The following SLC24A3 variants were observed in gnomAD, a reference collection of about 807,000 sequenced individuals.
SLC24A3 encodes the protein sodium/potassium/calcium exchanger 3.
SLC24A3 carries 28 observed loss-of-function variants against 75.8 expected under a neutral mutation model. The ratio of observed to expected loss-of-function variants is 0.37; its 90% CI spans 0.27 to 0.51. The LOEUF is 0.51. Ranked by LOEUF, SLC24A3 falls within the 20% of genes least tolerant of loss-of-function variation. SLC24A3 has a pLI of 0.94. For missense variants in SLC24A3, 663 were observed against 847.8 expected, an observed-to-expected ratio of 0.78 and a Z score of 2.71; for synonymous variants, 372 against 334.1, an observed-to-expected ratio of 1.11 and a Z score of -1.24.
At chr20:19,711,319 A>C (rs1022267893) in intron 15 of SLC24A3, among the ~76,000 whole-genome samples, 3 of 151,268 alleles carry the variant, frequency 2.0e-5, no homozygotes. Context: ...ATACAAACGC[A>C]CACACATGCA....
At chr20:19,455,556 A>G (rs1987563711) in intron 2 of SLC24A3, among the ~76,000 whole-genome samples, 1 of 152,224 alleles carries the variant, frequency 6.6e-6, no homozygotes, top group Non-Finnish European at 1.5e-5. Flanking sequence ...TCTGGAAACC[A>G]ATACACCAGG....
Position 19,678,165 on chromosome 20 carries a change from C to A in SLC24A3, c.768-3693C>A, listed in dbSNP as rs1004022555. ...TCAATCTTTTCCCCACCTTTCCCCCCTTTCTATTCCACAAAACCGCCATTG... is the reference window on the plus strand; with the variant it reads ...TCAATCTTTTCCCCACCTTTCCCCCATTTCTATTCCACAAAACCGCCATTG... On this transcript the variant is annotated intron_variant, in intron 9 of 16. Transcript: ENST00000328041. Among the ~76,000 whole-genome samples, 63 of 151,048 alleles carry A rather than the reference C, an allele frequency of 4.2e-4. No individual in the cohort carries two copies. In the East Asian group the frequency reaches 0.012, roughly 29 times the overall value.
intron 9 of SLC24A3, among the ~76,000 whole-genome samples, chr20:19,680,680 G>A (rs1004569550): frequency 2.0e-5 from 3 of 152,232 alleles, no homozygotes; most frequent in African/African-American, 7.2e-5. Flanking sequence ...AGAGAGTACA[G>A]GAAAGAACTC....
At chr20:19,693,157 G>C in intron 12 of SLC24A3, 102 bp from the exon 13 acceptor site, 4 of 1,257,858 alleles carry the variant, frequency 3.2e-6, no homozygotes, top group Non-Finnish European at 4.3e-6. Flanking sequence ...GTTTAATTCT[G>C]GGGAAAGCAG....
intron 3 of SLC24A3, among the ~76,000 whole-genome samples, chr20:19,523,688 T>C (rs2030144763): frequency 6.6e-6 from 1 of 152,224 alleles, no homozygotes; most frequent in Admixed American, 6.5e-5. Flanking sequence ...CTTTAGCTTG[T>C]AGCCATGGGA....
intron 2 of SLC24A3, among the ~76,000 whole-genome samples, chr20:19,387,272 T>C (rs375267800): frequency 2.4e-4 from 36 of 152,148 alleles, no homozygotes; most frequent in African/African-American, 8.4e-4. Context: ...TTATTTATCT[T>C]TTTGAAAAAC....
At chr20:19,691,906 C>T (rs1049589806) in intron 12 of SLC24A3, among the ~76,000 whole-genome samples, 16 of 152,136 alleles carry the variant, frequency 1.1e-4, no homozygotes, top group Non-Finnish European at 2.4e-4. Context: ...AGTCTTTCAA[C>T]TCATAAGCCA....
At chr20:19,467,244 T>C (rs964861303) in intron 2 of SLC24A3, among the ~76,000 whole-genome samples, 1 of 152,200 alleles carries the variant, frequency 6.6e-6, no homozygotes, top group East Asian at 1.9e-4. Flanking sequence ...AGAGCAGATG[T>C]GCAACATATA....
rs1423348336 is a variant in SLC24A3 at position 19,281,255 on chromosome 20, G to T, written c.271+168G>T. On this transcript the variant is annotated intron_variant, in intron 2 of 16. Transcript: ENST00000328041. ...AGGTGACATCCTGAGGGACTATTAAGTTGTGTTTTGACCTCTGTGTTCGTT... is the reference window on the plus strand; with the variant it reads ...AGGTGACATCCTGAGGGACTATTAATTTGTGTTTTGACCTCTGTGTTCGTT... Among the ~76,000 whole-genome samples the T allele has an allele frequency of 2.0e-5, 3 of 152,206 alleles. 1 individual carries two copies. The highest frequency in any genetic ancestry group is 7.2e-5 in the African/African-American group (3 of 41,448).
At chr20:19,604,354 A>G (rs986456680) in intron 6 of SLC24A3, among the ~76,000 whole-genome samples, 10 of 152,136 alleles carry the variant, frequency 6.6e-5, no homozygotes, top group African/African-American at 2.4e-5. Flanking sequence ...GTGAAGACCT[A>G]GAACATTCCA....
chr20:19,489,875 C>A (rs1988183130), intron 2 of SLC24A3, among the ~76,000 whole-genome samples: 1 of 152,180 alleles, frequency 6.6e-6, no homozygotes, highest in East Asian at 1.9e-4. Flanking sequence ...ATGTGCCGTT[C>A]TTCACTGTTC....
chr20:19,275,273 G>A (rs1239855581), intron 1 of SLC24A3, among the ~76,000 whole-genome samples: 1 of 152,194 alleles, frequency 6.6e-6, no homozygotes, highest in Non-Finnish European at 1.5e-5. Context: ...TAGGGTCCTG[G>A]CTTGGCTGCT....
chr20:19,492,969 T>C (rs1003312445), intron 2 of SLC24A3, among the ~76,000 whole-genome samples: 41 of 149,478 alleles, frequency 2.7e-4, no homozygotes, highest in African/African-American at 9.6e-4. Flanking sequence ...GTTCAGAGTA[T>C]GGTATTTCTA....
chr20:19,322,312 C>T (rs553967835), intron 2 of SLC24A3, among the ~76,000 whole-genome samples: 1 of 152,134 alleles, frequency 6.6e-6, no homozygotes, highest in South Asian at 2.1e-4. Context: ...ATACCCCTCC[C>T]CTTTTAGTAT....
chr20:19,257,047 C>T lies in SLC24A3; in HGVS notation c.143-23912C>T, dbSNP rs1982836436. Among the ~76,000 whole-genome samples, 3 of 152,136 alleles carry T rather than the reference C, an allele frequency of 2.0e-5. 1 individual carries two copies. In the South Asian group the frequency reaches 6.2e-4, roughly 31 times the overall value. On this transcript the variant is annotated intron_variant, in intron 1 of 16. Coordinates refer to ENST00000328041, the MANE Select transcript of SLC24A3 (RefSeq NM_020689.4). ...TCCTAGTTCCAAAATTATATTCTTC[C>T]ACAAAACGATCCCTAGGTTTGGACT...
At chr20:19,636,346 G>C (rs1041615595) in intron 6 of SLC24A3, among the ~76,000 whole-genome samples, 1 of 152,130 alleles carries the variant, frequency 6.6e-6, no homozygotes, top group South Asian at 2.1e-4. Context: ...TCCATCCATC[G>C]AATAAATGGA....
intron 2 of SLC24A3, among the ~76,000 whole-genome samples, chr20:19,422,270 T>C (rs1300358281): frequency 6.6e-6 from 1 of 152,172 alleles, no homozygotes; most frequent in Non-Finnish European, 1.5e-5. Flanking sequence ...GCCTCCGCAC[T>C]AAACAGGTGT....
chr20:19,244,366 A>G (rs1982422258), intron 1 of SLC24A3: 1 of 152,224 alleles, frequency 6.6e-6, no homozygotes, highest in South Asian at 2.1e-4. Flanking sequence ...TACTAGAAAG[A>G]AGGTGTGGTG....
At chr20:19,395,753 A>G (rs897871878) in intron 2 of SLC24A3, among the ~76,000 whole-genome samples, 2 of 152,244 alleles carry the variant, frequency 1.3e-5, no homozygotes, top group African/African-American at 4.8e-5. Flanking sequence ...AGAGGGGATC[A>G]TAGCATTCCA....
Sources: allele counts gnomAD v4.1 joint callset (sites outside exome capture counted in the v4.1 genomes callset), GRCh38; gene constraint gnomAD v4.1.1; transcripts MANE v1.5; gene names NCBI Gene and HGNC (gene_info 2026-07-23, HGNC 2026-07-21).